The following NDRG2 variants were observed in gnomAD, a reference collection of about 807,000 sequenced individuals.
NDRG2 encodes the protein NDRG family member 2.
A neutral mutation model predicts 58.2 loss-of-function variants in NDRG2; 34 were observed. The ratio of observed to expected loss-of-function variants is 0.58; its 90% CI spans 0.44 to 0.78. The LOEUF is 0.78. NDRG2 is among the 30% of genes least tolerant of loss of function. NDRG2 has a pLI of 0.00. For synonymous variants in NDRG2, 187 were observed against 175.9 expected, an observed-to-expected ratio of 1.06 and a Z score of -0.50; for missense variants, 434 against 471.2, an observed-to-expected ratio of 0.92 and a Z score of 0.73.
intron 1 of NDRG2, among the ~76,000 whole-genome samples, chr14:21,065,788 T>C (rs1398707855): frequency 1.3e-5 from 2 of 152,156 alleles, no homozygotes; most frequent in Non-Finnish European, 2.9e-5. Flanking sequence ...TAGGAATAAG[T>C]AAGGCATGTT....
chr14:21,052,368 G>A (rs1443468892), intron 1 of NDRG2, among the ~76,000 whole-genome samples: 1 of 152,206 alleles, frequency 6.6e-6, no homozygotes, highest in Non-Finnish European at 1.5e-5. Flanking sequence ...CCAAATGAGT[G>A]ATACTATGAA....
In NDRG2 at chr14:21,022,117, G is replaced by A. The variant is rs750625845; in HGVS notation, c.289C>T (p.Arg97Trp). ...ATTCCAGGGGCATCCACATGAACCC[G>A]CACAAAGTTCTGAATGATTTCCTGC... Reference protein sequence around the residue: ...DMQEIIQNFVRVHVDAPGMEE... With the variant: ...DMQEIIQNFVWVHVDAPGMEE... The change falls in exon 5 of 16, where the codon CGG becomes TGG. Residue 97 changes from arginine to tryptophan, a missense_variant. Transcript: ENST00000556147. 22 of 1,613,946 alleles carry A rather than the reference G, an allele frequency of 1.4e-5. No homozygotes were observed. Among genetic ancestry groups the A allele is most frequent in the East Asian group, 2.2e-5 (1 of 44,894 alleles).
upstream of NDRG2, chr14:21,030,431 A>T: frequency 1.3e-6 from 1 of 770,098 alleles, no homozygotes; most frequent in Non-Finnish European, 2.1e-6. Context: ...GGGAGGGAGA[A>T]AGGAGAGAGC....
At chr14:21,060,768 C>G (rs1466064167) in intron 1 of NDRG2, among the ~76,000 whole-genome samples, 2 of 152,106 alleles carry the variant, frequency 1.3e-5, no homozygotes, top group East Asian at 3.8e-4. Flanking sequence ...TCTCAGTGTT[C>G]GTTAGTGGAA....
intron 1 of NDRG2, chr14:21,058,321 C>T (rs753150799): frequency 1.2e-6 from 2 of 1,612,700 alleles, no homozygotes; most frequent in Admixed American, 1.7e-5. Flanking sequence ...ACCCAGGGTA[C>T]CCACTTGTTC....
At chr14:21,018,162 C>G in intron 14 of NDRG2, 42 bp downstream of exon 14, 2 of 1,611,948 alleles carry the variant, frequency 1.2e-6, no homozygotes, top group Non-Finnish European at 1.7e-6. Context: ...CCACCGGTAT[C>G]CTATGTCCCT....
intron 1 of NDRG2, chr14:21,036,113 T>C (rs1424281739): frequency 2.2e-6 from 1 of 447,854 alleles, no homozygotes; most frequent in Admixed American, 2.4e-5. Context: ...AGTATGAGCC[T>C]GAGTCCATCA....
chr14:21,020,980 G>C (rs1467943320), intron 6 of NDRG2, 136 bp from the exon 7 acceptor site: 2 of 1,013,432 alleles, frequency 2.0e-6, no homozygotes, highest in South Asian at 2.7e-5. Context: ...TTTCTTTGGA[G>C]GACGCGAAAA....
chr14:21,025,802 A>C (rs1594463237), upstream of NDRG2: 567 of 344,086 alleles, frequency 1.6e-3, no homozygotes, highest in Middle Eastern at 3.1e-3. The surrounding 1 kb of genome is among the most constrained non-coding windows in gnomAD (Gnocchi z 5.1). Context: ...GATCGCGGGC[A>C]GGCGGGGGGT....
At position 21,070,750 on chromosome 14, in the gene NDRG2, T is replaced by C; in HGVS notation, c.24+78A>G. 1 of 1,467,536 alleles carries C rather than the reference T, an allele frequency of 6.8e-7. No individual in the cohort carries two copies. Among genetic ancestry groups the C allele is most frequent in the Non-Finnish European group, 9.2e-7 (1 of 1,086,020 alleles). 90.9% of individuals were successfully genotyped at this position (1,467,536 alleles called of 1,614,324 possible). A position where few individuals can be genotyped will look rare whatever the true frequency, so the allele number is the denominator to read the frequency against. On this transcript the variant is annotated intron_variant, in intron 1 of 14. Coordinates refer to the NDRG2 transcript ENST00000403829. The surrounding 1 kb of genome is among the most constrained non-coding windows in gnomAD (Gnocchi z 4.7). ...CCTCCCCCTCCTGGTCCGAGCTCCTTACCCGCGGGAGACCCCTGCGGGTTG... is the reference window on the plus strand; with the variant it reads ...CCTCCCCCTCCTGGTCCGAGCTCCTCACCCGCGGGAGACCCCTGCGGGTTG...
At chr14:21,052,208 A>T (rs1421912238) in intron 1 of NDRG2, among the ~76,000 whole-genome samples, 1 of 152,232 alleles carries the variant, frequency 6.6e-6, no homozygotes, top group Non-Finnish European at 1.5e-5. Flanking sequence ...TGCTCCTGTG[A>T]GCTAGCCATG....
intron 1 of NDRG2, among the ~76,000 whole-genome samples, chr14:21,067,188 A>G (rs1302934760): frequency 6.6e-6 from 1 of 152,178 alleles, no homozygotes; most frequent in Non-Finnish European, 1.5e-5. Flanking sequence ...CTTCCCCCGT[A>G]TTAGGATAGC....
intron 1 of NDRG2, chr14:21,036,381 A>G: frequency 2.5e-6 from 1 of 405,908 alleles, no homozygotes. Flanking sequence ...TTGGAAGAAG[A>G]ATTGTCTTGG....
At chr14:21,041,970 C>A (rs1359907108) in intron 1 of NDRG2, among the ~76,000 whole-genome samples, 1 of 152,208 alleles carries the variant, frequency 6.6e-6, no homozygotes. Context: ...ATCTGTGCCT[C>A]AGGTCAGAGA....
At chr14:21,019,084 G>A (rs1353614215) in intron 11 of NDRG2, 32 bp downstream of exon 11, 8 of 1,578,752 alleles carry the variant, frequency 5.1e-6, no homozygotes, top group Non-Finnish European at 6.0e-6. Context: ...GATCCAGGGA[G>A]ACAGGCAATG....
At chr14:21,031,903 A>G (rs757164251) in intron 1 of NDRG2, 1 of 1,613,666 alleles carries the variant, frequency 6.2e-7, no homozygotes, top group South Asian at 1.1e-5. Flanking sequence ...AAGCAACAAC[A>G]GTGGGTGCAG....
At position 21,021,054 on chromosome 14, in the gene NDRG2, C is replaced by T. The variant is rs1355753050; in HGVS notation, c.408-210G>A. On this transcript the variant is annotated intron_variant, in intron 6 of 15. Coordinates refer to ENST00000556147, the MANE Select transcript of NDRG2 (RefSeq NM_001320329.2). ...AGGGTAGATACCTGAAGTCTATCCC[C>T]AGCTTTCTGCTGGAGAGCTAGTGTC... The T allele has an allele frequency of 7.4e-6, 5 of 676,114 alleles. No homozygotes were observed. In the South Asian group the frequency reaches 7.5e-5, roughly 10 times the overall value. 41.9% of individuals were successfully genotyped at this position (676,114 alleles called of 1,614,324 possible). A position where few individuals can be genotyped will look rare whatever the true frequency, so the allele number is the denominator to read the frequency against.
intron 5 of NDRG2, 27 bp downstream of exon 5, chr14:21,022,035 G>A (rs1230777138): frequency 4.3e-6 from 7 of 1,614,102 alleles, no homozygotes; most frequent in Admixed American, 1.7e-5. Flanking sequence ...TCACAGTCTG[G>A]TGAAGCAGTA....
intron 1 of NDRG2, chr14:21,031,245 C>A: frequency 1.3e-6 from 2 of 1,532,166 alleles, no homozygotes; most frequent in Non-Finnish European, 8.8e-7. Context: ...ACCCTGCCAA[C>A]TGTGTGACTG....
Sources: gnomAD v4.1 joint callset for allele counts (sites outside exome capture counted in the v4.1 genomes callset) on GRCh38, gnomAD v4.1.1 for gene constraint, Gnocchi (gnomAD v3.1) non-coding constraint, MANE v1.5 for transcripts, NCBI Gene and HGNC (gene_info 2026-07-23, HGNC 2026-07-21) for gene names.